Variants in CCNB3 observed in about 807,000 individuals in gnomAD.
The protein encoded by CCNB3 is cyclin B3.
In CCNB3, 12 loss-of-function variants were observed where a neutral mutation model predicts 68.0. The observed-to-expected ratio is 0.18, with a 90% CI of 0.11 to 0.29. The LOEUF is 0.29. CCNB3 is among the 10% of genes least tolerant of loss of function. The pLI, the probability that CCNB3 is intolerant of heterozygous loss-of-function variation, is 1.00. For synonymous variants in CCNB3, 354 were observed against 388.9 expected (o/e 0.91, Z 1.06); for missense variants, 904 against 993.1 (o/e 0.91, Z 1.21).
chrX:50,295,234 T>C (rs1203313602), intron 5 of CCNB3, among the ~76,000 whole-genome samples: 1 of 111,672 alleles, frequency 9.0e-6, no homozygotes, highest in Non-Finnish European at 1.9e-5. Context: ...CCAAAAGACC[T>C]TGTGCTCATC....
chrX:50,337,166 C>T (rs1922895107), intron 8 of CCNB3, among the ~76,000 whole-genome samples: 1 of 109,785 alleles, frequency 9.1e-6, no homozygotes, highest in African/African-American at 3.3e-5. Context: ...GGAGTTTCTC[C>T]CATGGCTTCA....
intron 1 of CCNB3, among the ~76,000 whole-genome samples, chrX:50,221,701 A>G (rs1471852102): frequency 9.0e-6 from 1 of 111,443 alleles, no homozygotes; most frequent in African/African-American, 3.3e-5. Context: ...TATGTGGTCA[A>G]TTTTAGAATA....
rs1398681599 is a variant in CCNB3, at chrX:50,351,263, G to C, written c.3983G>C (p.Ser1328Thr). 1 of 1,209,372 alleles carries C rather than the reference G, an allele frequency of 8.3e-7. No homozygotes were observed. The highest frequency in any genetic ancestry group is 1.1e-6 in the Non-Finnish European group (1 of 894,775). ...CAGGTTCCCTTCCTGGAGCATTACA[G>C]TGGCTACAGTATCTCTGAGCTTCAC... ...GYWVPFLEHYSGYSISELHPL... is the reference protein window; with the variant it reads ...GYWVPFLEHYTGYSISELHPL... Residue 1328 changes from serine (S) to threonine (T), a missense_variant, in exon 12 of 13, where the codon AGT becomes ACT. Ser to Thr is a moderately conservative substitution (Grantham distance 58). This residue lies in a region of CCNB3 where 285 missense variants were observed against 383.4 expected (regional missense o/e 0.74). Transcript: ENST00000376042.
Position 50,285,275 on chromosome X carries a change from C to G in CCNB3, c.96+16C>G. On this transcript the variant is annotated intron_variant, in intron 3 of 12. Coordinates refer to ENST00000376042, the MANE Select transcript of CCNB3 (RefSeq NM_033031.3). ...ATCTGAAAAGGTTAGAGCAAGCTGT[C>G]TTTCCCAACAATATCTTTGGTAGTC... The G allele has an allele frequency of 8.8e-7, 1 of 1,137,627 alleles. No individual in the cohort carries two copies. Among genetic ancestry groups the G allele is most frequent in the Non-Finnish European group, 1.2e-6 (1 of 828,330 alleles). 93.8% of individuals were successfully genotyped at this position (1,137,627 alleles called of 1,213,427 possible).
intron 5 of CCNB3, among the ~76,000 whole-genome samples, chrX:50,297,260 T>C (rs1557211317): frequency 1.8e-5 from 2 of 112,058 alleles, no homozygotes; most frequent in South Asian, 3.7e-4. Flanking sequence ...TTTATGGTTT[T>C]AGGTCTAACA....
intron 5 of CCNB3, among the ~76,000 whole-genome samples, chrX:50,300,027 C>T (rs1277223840): frequency 2.7e-5 from 3 of 111,334 alleles, no homozygotes; most frequent in African/African-American, 9.8e-5. Flanking sequence ...CTGTGTGTAT[C>T]TCTGCCCATG....
At chrX:50,279,494 AAT>A (rs1192169016) in intron 1 of CCNB3, among the ~76,000 whole-genome samples, 2 of 83,572 alleles carry the variant, frequency 2.4e-5, no homozygotes, top group Non-Finnish European at 4.4e-5. Context: ...TTCATATATA[AAT>A]ATATATGAAT....
intron 1 of CCNB3, among the ~76,000 whole-genome samples, chrX:50,211,581 G>C (rs1432131522): frequency 1.8e-5 from 2 of 111,288 alleles, no homozygotes; most frequent in African/African-American, 6.5e-5. Context: ...TCAGGAGCCT[G>C]AGGTGGGAGG....
At chrX:50,280,306 A>C (rs1007666148) in intron 1 of CCNB3, among the ~76,000 whole-genome samples, 2 of 101,489 alleles carry the variant, frequency 2.0e-5, no homozygotes, top group African/African-American at 7.0e-5. Context: ...ATATAAATAT[A>C]TATATAGAAT....
At chrX:50,285,850 A>C (rs1159387171) in intron 3 of CCNB3, among the ~76,000 whole-genome samples, 5 of 111,985 alleles carry the variant, frequency 4.5e-5, no homozygotes, top group African/African-American at 6.5e-5. Context: ...GTTTTCTCTG[A>C]GCACAGATAA....
chrX:50,225,840 G>C (rs1014230456), intron 1 of CCNB3, among the ~76,000 whole-genome samples: 1 of 105,978 alleles, frequency 9.4e-6, no homozygotes, highest in Non-Finnish European at 1.9e-5. Context: ...GTGTCTATTA[G>C]ACATCCAAGT....
At chrX:50,279,457 T>C (rs1268538597) in intron 1 of CCNB3, among the ~76,000 whole-genome samples, 4 of 80,988 alleles carry the variant, frequency 4.9e-5, no homozygotes, top group Non-Finnish European at 8.9e-5. Flanking sequence ...TATATAAATA[T>C]ATATAAATAT....
chrX:50,348,086 AT>A (rs1204639647), intron 11 of CCNB3, among the ~76,000 whole-genome samples: 1 of 111,475 alleles, frequency 9.0e-6, no homozygotes, highest in Non-Finnish European at 1.9e-5. Context: ...CCTACTTCTT[AT>A]CCCCAGCCCT....
intron 1 of CCNB3, among the ~76,000 whole-genome samples, chrX:50,279,509 AT>A (rs1936047746): frequency 1.2e-5 from 1 of 84,035 alleles, no homozygotes; most frequent in Admixed American, 1.7e-4. Context: ...ATATGAATGT[AT>A]TTATTCATAT....
chrX:50,209,541 C>T (rs1419823601), intron 1 of CCNB3, among the ~76,000 whole-genome samples: 13 of 110,797 alleles, frequency 1.2e-4, no homozygotes, highest in African/African-American at 3.9e-4. Flanking sequence ...TTTTTAGTAG[C>T]GATGGGGTTT....
At chrX:50,228,824 A>C (rs1402640620) in intron 1 of CCNB3, among the ~76,000 whole-genome samples, 1 of 76,025 alleles carries the variant, frequency 1.3e-5, no homozygotes, top group East Asian at 3.8e-4. Flanking sequence ...TATATATAGA[A>C]TATATATAGA....
intron 8 of CCNB3, among the ~76,000 whole-genome samples, chrX:50,327,723 C>T (rs782811930): frequency 5.4e-5 from 6 of 111,864 alleles, no homozygotes; most frequent in East Asian, 2.8e-4. Flanking sequence ...TGCATGAGCT[C>T]GTCCCATCCC....
rs528077983 is a variant in CCNB3, at chrX:50,286,734, C to T, written c.96+1475C>T. 5.5e-4 allele frequency among the ~76,000 whole-genome samples: 60 copies of T among 109,234 alleles called. 1 individual carries two copies. In the South Asian group the frequency reaches 0.024, roughly 44 times the overall value. 94.9% of individuals were successfully genotyped at this position (109,234 alleles called of 115,157 possible). ...ACACGATCTCGGCTCACTGCAACCT[C>T]TGCCTCCCAGGTTCAAGCAATTCTC... On this transcript the variant is annotated intron_variant, in intron 3 of 12. Transcript: ENST00000376042.
chrX:50,341,303 C>G (rs1923117694), intron 8 of CCNB3, among the ~76,000 whole-genome samples: 1 of 106,178 alleles, frequency 9.4e-6, no homozygotes, highest in South Asian at 4.2e-4. Flanking sequence ...GCACTCCAGC[C>G]TGGGAGACAG....
Sources: gnomAD v4.1 joint callset for allele counts (sites outside exome capture counted in the v4.1 genomes callset) on GRCh38, gnomAD v4.1.1 for gene constraint, gnomAD v4.1.1 regional missense constraint, MANE v1.5 for transcripts, NCBI Gene and HGNC (gene_info 2026-07-23, HGNC 2026-07-21) for gene names.